TCTN1: variants seen among roughly 807,000 people sequenced by gnomAD.
The protein encoded by TCTN1 is tectonic-1.
In TCTN1, 58 loss-of-function variants were observed where a neutral mutation model predicts 65.8. The ratio of observed to expected loss-of-function variants is 0.88; its 90% CI spans 0.71 to 1.10. The LOEUF (loss-of-function observed/expected upper bound fraction) is 1.10. TCTN1 is among the 50% of genes least tolerant of loss of function. The pLI is 0.00. For synonymous variants in TCTN1, 273 were observed against 289.1 expected, an observed-to-expected ratio of 0.94 and a Z score of 0.57; for missense variants, 645 against 719.4, an observed-to-expected ratio of 0.90 and a Z score of 1.18.
At chr12:110,626,267 A>C (rs2065836193) in intron 2 of TCTN1, 95 bp from the exon 3 acceptor site, 11 of 1,342,898 alleles carry the variant, frequency 8.2e-6, no homozygotes, top group Middle Eastern at 2.1e-4. Flanking sequence ...CTGTTAACAT[A>C]GTACAGTACA....
intron 2 of TCTN1, among the ~76,000 whole-genome samples, chr12:110,620,383 GGGT>G (rs777700097): frequency 9.7e-4 from 148 of 152,128 alleles, no homozygotes; most frequent in Non-Finnish European, 1.9e-3. Context: ...ACTCTAGCCT[GGGT>G]GACAGAGCGA....
Position 110,648,511 on chromosome 12 carries a change from TTTGAG to T in TCTN1, c.*2-529_*2-525del, listed in dbSNP as rs373564405. Among the ~76,000 whole-genome samples the T allele has an allele frequency of 1.1e-4, 16 of 152,314 alleles. No individual in the cohort carries two copies. In the South Asian group the frequency reaches 2.3e-3, roughly 22 times the overall value. On this transcript the variant is annotated intron_variant, in intron 14 of 14. Transcript: ENST00000397659. ...TTTGGCCAGTTCATTCATCCCCTGC[TTTGAG>T]TTATTTATTTTAAAAATACTCAGTT... is the stretch of plus-strand genomic sequence containing the variant.
chr12:110,620,005 A>G (rs745905745), intron 2 of TCTN1, 49 bp downstream of exon 2: 4 of 1,613,914 alleles, frequency 2.5e-6, no homozygotes, highest in Admixed American at 3.3e-5. Flanking sequence ...TGACCAGGAT[A>G]ATACAATTTG....
intron 7 of TCTN1, among the ~76,000 whole-genome samples, chr12:110,637,360 T>C (rs1001150475): frequency 5.9e-5 from 9 of 152,192 alleles, no homozygotes; most frequent in African/African-American, 2.2e-4. Flanking sequence ...ACTTCACTGA[T>C]GCTCTGCACA....
intron 1 of TCTN1, among the ~76,000 whole-genome samples, chr12:110,616,543 GC>G (rs1344914777): frequency 6.6e-6 from 1 of 152,114 alleles, no homozygotes; most frequent in East Asian, 1.9e-4. Context: ...ACTGCACTCT[GC>G]CAGTCACCTG....
chr12:110,640,918 A>G lies in TCTN1; in HGVS notation c.979-106A>G. On this transcript the variant is annotated intron_variant, in intron 8 of 14. Transcript: ENST00000397659. The surrounding 1 kb of genome is among the most constrained non-coding windows in gnomAD (Gnocchi z 4.9). ...GGACAGCAGAGCAAGGCTTCAACAC[A>G]TGGAGAAACAGGGAAAGATTTGCTA... The G allele has an allele frequency of 6.6e-7, 1 of 1,513,354 alleles. No homozygotes were observed. The highest frequency in any genetic ancestry group is 9.1e-7 in the Non-Finnish European group (1 of 1,095,684). 93.7% of individuals were successfully genotyped at this position (1,513,354 alleles called of 1,614,324 possible).
rs2065841782 is a variant in TCTN1 at position 110,626,364 on chromosome 12, G to A, written c.344G>A (p.Gly115Asp). 3 of 1,575,236 alleles carry A rather than the reference G, an allele frequency of 1.9e-6. No homozygotes were observed. Among genetic ancestry groups the A allele is most frequent in the Non-Finnish European group, 1.7e-6 (2 of 1,158,108 alleles). The change falls in exon 3 of 15, where the codon GGC (glycine) becomes GAC (aspartate). Residue 115 changes from glycine (G) to aspartate (D), a missense_variant and splice_region_variant. Gly to Asp is a moderately conservative substitution (Grantham distance 94, BLOSUM62 -1). Transcript: ENST00000397659. The stretch of plus-strand genomic sequence containing the variant: ...ATTATTATTTTTTTAATTTTCAGGG[G>A]CGACAGCCAGTTTTGTAGTCAAAAA... Reference protein sequence around the residue: ...FSACSVPVVTGDSQFCSQKAV... With the variant: ...FSACSVPVVTDDSQFCSQKAV...
intron 4 of TCTN1, chr12:110,630,172 A>G (rs1267336117): frequency 6.6e-6 from 1 of 152,190 alleles, no homozygotes. Flanking sequence ...GTGTATACCT[A>G]CGTAACAAAC....
intron 5 of TCTN1, among the ~76,000 whole-genome samples, chr12:110,632,973 T>C (rs187925882): frequency 3.7e-4 from 57 of 152,350 alleles, no homozygotes; most frequent in Non-Finnish European, 7.2e-4. Flanking sequence ...TAAGTGCTTG[T>C]ATGTGTTTTC....
chr12:110,649,007 G>T (rs2067643794), intron 14 of TCTN1, 36 bp from the exon 15 acceptor site: 1 of 465,530 alleles, frequency 2.1e-6, no homozygotes, highest in African/African-American at 2.0e-5. Flanking sequence ...CTAGAATGGG[G>T]TGGCAGCTAA....
chr12:110,618,726 T>G (rs572065837), intron 1 of TCTN1, among the ~76,000 whole-genome samples: 1 of 152,306 alleles, frequency 6.6e-6, no homozygotes. Context: ...TGATCTTACT[T>G]CTTCCCTTCC....
chr12:110,638,916 G>A (rs181801258), intron 7 of TCTN1, among the ~76,000 whole-genome samples: 90 of 152,290 alleles, frequency 5.9e-4, no homozygotes, highest in African/African-American at 2.1e-3. Context: ...CCTTGGTGCG[G>A]CATGTTATGC....
chr12:110,616,250 C>CTT, intron 1 of TCTN1: 1 of 445,440 alleles, frequency 2.2e-6, no homozygotes, highest in Non-Finnish European at 4.5e-6. Context: ...TGTCCTCACA[C>CTT]TTTATTTTTT....
intron 11 of TCTN1, among the ~76,000 whole-genome samples, chr12:110,642,945 G>A (rs2067059020): frequency 1.3e-5 from 2 of 152,010 alleles, no homozygotes; most frequent in African/African-American, 2.4e-5. Context: ...TAGTAGAGAC[G>A]GGGTTTCACC....
Position 110,639,785 on chromosome 12 carries a change from C to T in TCTN1, c.844-598C>T, listed in dbSNP as rs1257369824. Among the ~76,000 whole-genome samples, 1 of 152,098 alleles carries T rather than the reference C, an allele frequency of 6.6e-6. No homozygotes were observed. The highest frequency in any genetic ancestry group is 1.5e-5 in the Non-Finnish European group (1 of 68,028). On this transcript the variant is annotated intron_variant, in intron 7 of 14. Coordinates refer to ENST00000397659, the MANE Select transcript of TCTN1 (RefSeq NM_001082538.3). The surrounding 1 kb of genome is among the most constrained non-coding windows in gnomAD (Gnocchi z 4.9). ...ACTAATTCCGGAACATTTCCATCAC[C>T]CCAAAAAGGAGCCTTGTGTTAGCAG...
intron 2 of TCTN1, chr12:110,625,731 G>A: frequency 6.7e-6 from 1 of 149,430 alleles, no homozygotes; most frequent in Non-Finnish European, 1.5e-5. Flanking sequence ...GGAGAGTGAG[G>A]CTACATCTCA....
At position 110,649,032 on chromosome 12, in the gene TCTN1, C is replaced by A. The variant is rs962491605; in HGVS notation, c.*2-11C>A. The A allele has an allele frequency of 4.1e-6, 2 of 490,214 alleles. No individual in the cohort carries two copies. The highest frequency in any genetic ancestry group is 7.9e-6 in the Non-Finnish European group (2 of 253,772). The allele number at this position is 490,214 out of a possible 1,614,324, so 30.4% of individuals were successfully genotyped here. Reference sequence around the variant, plus strand: ...GTGGCAGCTAAAGTAGCTTCTTTTTCTTTCTTTCAGAATGCTCAGATGCAT... The same window carrying A: ...GTGGCAGCTAAAGTAGCTTCTTTTTATTTCTTTCAGAATGCTCAGATGCAT... On this transcript the variant is annotated splice_polypyrimidine_tract_variant and intron_variant, in intron 14 of 14. Coordinates refer to ENST00000397659, the MANE Select transcript of TCTN1 (RefSeq NM_001082538.3).
Position 110,644,882 on chromosome 12 carries a change from A to C in TCTN1, c.1332-85A>C. On this transcript the variant is annotated intron_variant, in intron 11 of 14. Transcript: ENST00000397659. The surrounding 1 kb of genome is among the most constrained non-coding windows in gnomAD (Gnocchi z 4.6). ...CCTTATCTCAAAAATAAATAAACAA[A>C]GGGAAGGAAAGGAAGAAGAAAATGA... The C allele has an allele frequency of 6.4e-7, 1 of 1,563,990 alleles. No individual in the cohort carries two copies. The highest frequency in any genetic ancestry group is 2.2e-5 in the East Asian group (1 of 44,518).
At chr12:110,620,767 A>G (rs1204044909) in intron 2 of TCTN1, among the ~76,000 whole-genome samples, 1 of 151,840 alleles carries the variant, frequency 6.6e-6, no homozygotes, top group Non-Finnish European at 1.5e-5. Context: ...GTAAATAAAT[A>G]ATCTGTTCTG....
Sources: gnomAD v4.1 joint callset for allele counts (sites outside exome capture counted in the v4.1 genomes callset) on GRCh38, gnomAD v4.1.1 for gene constraint, Gnocchi (gnomAD v3.1) non-coding constraint, MANE v1.5 for transcripts, NCBI Gene and HGNC (gene_info 2026-07-23, HGNC 2026-07-21) for gene names.